Variants in CAMTA1 observed in about 807,000 individuals in gnomAD.
The protein encoded by CAMTA1 is calmodulin binding transcription activator 1.
A neutral mutation model predicts 170.9 loss-of-function variants in CAMTA1; 27 were observed. That is an observed-to-expected ratio of 0.16 (90% CI 0.12 to 0.22). The LOEUF is 0.22. Among genes scored for constraint, CAMTA1 ranks in the 10% least tolerant of loss-of-function variants. The pLI is 1.00. For missense variants in CAMTA1, 1,619 were observed against 2,217.2 expected (o/e 0.73, Z 5.42); for synonymous variants, 833 against 891.5 (o/e 0.93, Z 1.17).
rs959511410 is a variant in CAMTA1, at chr1:7,128,068, A to G, written c.302+36697A>G. Among the ~76,000 whole-genome samples the G allele has an allele frequency of 1.3e-5, 2 of 152,222 alleles. 1 individual carries two copies. Among genetic ancestry groups the G allele is most frequent in the African/African-American group, 4.8e-5 (2 of 41,454 alleles). Reference sequence around the variant, plus strand: ...AGAGGATGCCTACATGACCCCCAGCAGAGCCCTGGGTGCCGAGTCTCTGAT... The same window carrying G: ...AGAGGATGCCTACATGACCCCCAGCGGAGCCCTGGGTGCCGAGTCTCTGAT... On this transcript the variant is annotated intron_variant, in intron 4 of 22. Transcript: ENST00000303635.
At chr1:6,967,638 C>T (rs1691792451) in intron 3 of CAMTA1, among the ~76,000 whole-genome samples, 1 of 152,200 alleles carries the variant, frequency 6.6e-6, no homozygotes. Context: ...CCGCTCCTCT[C>T]CATGAGCTCT....
chr1:7,472,936 G>A (rs755117526), intron 6 of CAMTA1, among the ~76,000 whole-genome samples: 5 of 152,172 alleles, frequency 3.3e-5, no homozygotes, highest in Non-Finnish European at 7.4e-5. Context: ...GTCCAGGAGC[G>A]AAGTTGCCTT....
At chr1:7,495,477 T>G (rs866329289) in intron 6 of CAMTA1, among the ~76,000 whole-genome samples, 3 of 152,172 alleles carry the variant, frequency 2.0e-5, no homozygotes, top group African/African-American at 7.2e-5. Context: ...CAGAAGTGAT[T>G]TGCCTTGACC....
chr1:6,843,476 A>T (rs965734283), intron 3 of CAMTA1, among the ~76,000 whole-genome samples: 2 of 152,226 alleles, frequency 1.3e-5, no homozygotes, highest in African/African-American at 4.8e-5. Flanking sequence ...CTCAAACCTG[A>T]TATAGGGAGT....
intron 5 of CAMTA1, among the ~76,000 whole-genome samples, chr1:7,461,457 T>C (rs754701656): frequency 1.4e-4 from 22 of 152,276 alleles, no homozygotes; most frequent in Non-Finnish European, 2.9e-5. Context: ...GCACTTGAAA[T>C]GTGGCTGCTG....
At chr1:7,511,330 A>G (rs1331212307) in intron 6 of CAMTA1, among the ~76,000 whole-genome samples, 1 of 145,446 alleles carries the variant, frequency 6.9e-6, no homozygotes, top group East Asian at 2.2e-4. Context: ...CTTTCCTGTA[A>G]TGTGGGGATC....
chr1:7,207,626 C>A (rs1030036790), intron 4 of CAMTA1, among the ~76,000 whole-genome samples: 1 of 152,172 alleles, frequency 6.6e-6, no homozygotes, highest in Non-Finnish European at 1.5e-5. Context: ...ATTGCAGGAT[C>A]CTGGGTCACG....
chr1:7,661,546 C>G (rs1056947073), intron 7 of CAMTA1, among the ~76,000 whole-genome samples, 180 bp from the exon 8 acceptor site: 1 of 152,158 alleles, frequency 6.6e-6, no homozygotes, highest in Non-Finnish European at 1.5e-5. Flanking sequence ...GGGGGTCTGG[C>G]GGGGGCAGCC....
chr1:7,513,071 C>G (rs1557846930), intron 6 of CAMTA1, among the ~76,000 whole-genome samples: 1 of 151,974 alleles, frequency 6.6e-6, no homozygotes, highest in Non-Finnish European at 1.5e-5. Flanking sequence ...CCAACACCAC[C>G]CCGTGCCCCC....
At position 6,836,943 on chromosome 1, in the gene CAMTA1, C is replaced by CTT. The variant is rs780894298; in HGVS notation, c.234+11748_234+11749dup. On this transcript the variant is annotated intron_variant, in intron 3 of 22. Transcript: ENST00000303635. ...GAGTAGCTCATACCCTGAAGGAGTT[C>CTT]TTTTTTTTTTTTTTTTGAGATGGAG... Among the ~76,000 whole-genome samples, 117 of 137,316 alleles carry CTT rather than the reference C, an allele frequency of 8.5e-4. 1 individual carries two copies. The highest frequency in any genetic ancestry group is 1.3e-3 in the Non-Finnish European group (79 of 62,920). 90.1% of individuals were successfully genotyped at this position (137,316 alleles called of 152,430 possible). A position where few individuals can be genotyped will look rare whatever the true frequency, so the allele number is the denominator to read the frequency against.
intron 3 of CAMTA1, among the ~76,000 whole-genome samples, chr1:7,059,830 C>T (rs1468948322): frequency 1.3e-5 from 2 of 152,106 alleles, no homozygotes; most frequent in Admixed American, 1.3e-4. Flanking sequence ...GGCACTTATG[C>T]TTAGTGCTTT....
rs2096201415 is a variant in CAMTA1, at chr1:7,681,196, G to A, written c.2914+3463G>A. 6.6e-6 allele frequency among the ~76,000 whole-genome samples: 1 copy of A among 152,154 alleles called. No homozygotes were observed. Among genetic ancestry groups the A allele is most frequent in the Non-Finnish European group, 1.5e-5 (1 of 68,012 alleles). ...TCCAGGGTCAAAGGCCCTGTCTGCTGGACCCCCATCACTTAGCCCAGGGTT... is the reference window on the plus strand; with the variant it reads ...TCCAGGGTCAAAGGCCCTGTCTGCTAGACCCCCATCACTTAGCCCAGGGTT... On this transcript the variant is annotated intron_variant, in intron 11 of 22. Transcript: ENST00000303635. The surrounding 1 kb of genome is among the most constrained non-coding windows in gnomAD (Gnocchi z 4.6).
intron 6 of CAMTA1, among the ~76,000 whole-genome samples, chr1:7,596,665 G>A (rs986466471): frequency 4.6e-5 from 7 of 152,250 alleles, no homozygotes; most frequent in Non-Finnish European, 2.9e-5. Flanking sequence ...GGTTTGCTCT[G>A]ACTTCCATTT....
chr1:7,630,769 C>T (rs938801441), intron 6 of CAMTA1, among the ~76,000 whole-genome samples: 1 of 152,214 alleles, frequency 6.6e-6, no homozygotes, highest in East Asian at 1.9e-4. Flanking sequence ...AGCCATCGCT[C>T]AGAATCCTCC....
intron 3 of CAMTA1, among the ~76,000 whole-genome samples, chr1:7,016,493 A>G (rs940395557): frequency 3.9e-5 from 6 of 152,258 alleles, no homozygotes; most frequent in Non-Finnish European, 7.3e-5. Context: ...TGTATTTCCT[A>G]TATCCTAAAA....
intron 6 of CAMTA1, among the ~76,000 whole-genome samples, chr1:7,499,269 AGAG>A (rs1265857221): frequency 8.0e-6 from 1 of 124,552 alleles, no homozygotes; most frequent in African/African-American, 3.2e-5. Context: ...GAGTGTGTAG[AGAG>A]GATGGTGTGA....
At chr1:6,914,818 T>C (rs1270370543) in intron 3 of CAMTA1, among the ~76,000 whole-genome samples, 1 of 152,240 alleles carries the variant, frequency 6.6e-6, no homozygotes, top group African/African-American at 2.4e-5. Context: ...CTGCGTTTTT[T>C]TCTCCTCTCC....
intron 4 of CAMTA1, among the ~76,000 whole-genome samples, chr1:7,226,633 A>G (rs1351893399): frequency 6.6e-6 from 1 of 152,176 alleles, no homozygotes; most frequent in Non-Finnish European, 1.5e-5. Flanking sequence ...ATGTACACAT[A>G]GACATATAGG....
In CAMTA1 at chr1:7,732,696, G is replaced by A; in HGVS notation, c.3066+97G>A. The A allele has an allele frequency of 1.4e-6, 2 of 1,451,396 alleles. No individual in the cohort carries two copies. The highest frequency in any genetic ancestry group is 1.8e-6 in the Non-Finnish European group (2 of 1,094,672). The allele number at this position is 1,451,396 out of a possible 1,614,324, so 89.9% of individuals were successfully genotyped here. A position where few individuals can be genotyped will look rare whatever the true frequency, so the allele number is the denominator to read the frequency against. Reference sequence around the variant, plus strand: ...CACAGGCCTCTTCTCTGCTGCTGATGCGGTCCCTGTATTCAGGCAGAAGGC... The same window carrying A: ...CACAGGCCTCTTCTCTGCTGCTGATACGGTCCCTGTATTCAGGCAGAAGGC... On this transcript the variant is annotated intron_variant, in intron 12 of 22. Transcript: ENST00000303635. The surrounding 1 kb of genome is among the most constrained non-coding windows in gnomAD (Gnocchi z 4.1).
Sources: gnomAD v4.1 joint callset for allele counts (sites outside exome capture counted in the v4.1 genomes callset) on GRCh38, gnomAD v4.1.1 for gene constraint, Gnocchi (gnomAD v3.1) non-coding constraint, MANE v1.5 for transcripts, NCBI Gene and HGNC (gene_info 2026-07-23, HGNC 2026-07-21) for gene names.